XRCC4: variants seen among roughly 807,000 people sequenced by gnomAD.
XRCC4 encodes DNA repair protein XRCC4.
Under a neutral mutation model 39.1 loss-of-function variants are expected in XRCC4, and 28 were observed. The ratio of observed to expected loss-of-function variants is 0.72; its 90% CI spans 0.53 to 0.98. XRCC4 has a LOEUF of 0.98. XRCC4 is among the 50% of genes least tolerant of loss of function. The pLI is 0.00. For synonymous variants in XRCC4, 123 were observed against 126.4 expected (o/e 0.97, Z 0.18); for missense variants, 350 against 376.4 (o/e 0.93, Z 0.58).
At position 83,331,419 on chromosome 5, in the gene XRCC4, A is replaced by G. The variant is rs192347359; in HGVS notation, c.894-21712A>G. Among the ~76,000 whole-genome samples, 78 of 152,224 alleles carry G rather than the reference A, an allele frequency of 5.1e-4. No homozygotes were observed. The East Asian group carries it at 9.1e-3, about 18-fold the overall frequency. On this transcript the variant is annotated intron_variant, in intron 7 of 7. Coordinates refer to ENST00000396027, the MANE Select transcript of XRCC4 (RefSeq NM_003401.5). ...ATATGGTATTGGAGAGGAATTGATC[A>G]ACAGGAACTCTTACACACTGCTAAA...
chr5:83,122,950 A>G (rs1330039709), intron 3 of XRCC4, among the ~76,000 whole-genome samples: 1 of 152,152 alleles, frequency 6.6e-6, no homozygotes, highest in African/African-American at 2.4e-5. Flanking sequence ...TATGGCACTG[A>G]ATGTAACCGT....
At chr5:83,253,557 C>T (rs914531694) in intron 6 of XRCC4, among the ~76,000 whole-genome samples, 2 of 151,314 alleles carry the variant, frequency 1.3e-5, no homozygotes, top group African/African-American at 2.4e-5. Flanking sequence ...ATCTGTATGG[C>T]GGGGCAAGGG....
At chr5:83,371,524 A>C in the XRCC4 span, among the ~76,000 whole-genome samples, 1 of 152,180 alleles carries the variant, frequency 6.6e-6, no homozygotes, top group African/African-American at 2.4e-5. Flanking sequence ...AACAATCTAC[A>C]TGTCAGATGC....
chr5:83,310,671 G>A (rs1755675691), intron 7 of XRCC4: 2 of 407,542 alleles, frequency 4.9e-6, no homozygotes, highest in African/African-American at 2.1e-5. Flanking sequence ...ATCTGTGAAT[G>A]TTAGCTTTTA....
At chr5:83,337,725 G>T (rs1011748764) in intron 7 of XRCC4, among the ~76,000 whole-genome samples, 1 of 152,078 alleles carries the variant, frequency 6.6e-6, no homozygotes, top group African/African-American at 2.4e-5. Context: ...ATAACAAAAT[G>T]GTCTTTATTT....
Position 83,148,855 on chromosome 5 carries a change from TAAC to T in XRCC4, c.315+37655_315+37657del, listed in dbSNP as rs200633198. On this transcript the variant is annotated intron_variant, in intron 3 of 7. Coordinates refer to ENST00000396027, the MANE Select transcript of XRCC4 (RefSeq NM_003401.5). The stretch of plus-strand genomic sequence containing the variant: ...TACTGTTATAATGAAGATATAATAA[TAAC>T]AATGAAGAAATAAAAAATAGTAAAG... Among the ~76,000 whole-genome samples the T allele has an allele frequency of 8.4e-4, 127 of 151,930 alleles. 1 individual carries two copies. The highest frequency in any genetic ancestry group is 2.8e-3 in the African/African-American group (116 of 41,514).
chr5:83,303,923 A>G (rs1755386443), intron 7 of XRCC4, among the ~76,000 whole-genome samples: 1 of 152,196 alleles, frequency 6.6e-6, no homozygotes, highest in African/African-American at 2.4e-5. Flanking sequence ...ATGACTTTGC[A>G]CTCAACTACA....
chr5:83,176,750 T>G (rs1749977940), intron 3 of XRCC4, among the ~76,000 whole-genome samples: 1 of 151,954 alleles, frequency 6.6e-6, no homozygotes, highest in African/African-American at 2.4e-5. Context: ...GCCTTCTGAG[T>G]AGCTGGGACT....
chr5:83,111,135 G>A lies in XRCC4; in HGVS notation c.247G>A (p.Val83Ile), dbSNP rs1746425716. The A allele has an allele frequency of 6.2e-7, 1 of 1,607,976 alleles. No homozygotes were observed. The highest frequency in any genetic ancestry group is 2.3e-5 in the East Asian group (1 of 44,328). Residue 83 changes from valine (V) to isoleucine (I), a missense_variant, in exon 3 of 8, where the codon GTA (valine) becomes ATA (isoleucine). Transcript: ENST00000396027. ...ALLSGAGPAD[V>I]YTFNFSKESC... ...GTTGTCAGGAGCAGGACCAGCTGAT[G>A]TATACACGTTTAATTTTTCTAAAGA...
At chr5:83,220,880 G>T (rs1752056618) in intron 6 of XRCC4, among the ~76,000 whole-genome samples, 2 of 152,064 alleles carry the variant, frequency 1.3e-5, no homozygotes, top group African/African-American at 2.4e-5. Flanking sequence ...GTAAATTGTT[G>T]ATCCTTTCTG....
chr5:83,309,589 G>A (rs1411307177), intron 7 of XRCC4, among the ~76,000 whole-genome samples: 51 of 150,978 alleles, frequency 3.4e-4, no homozygotes, highest in African/African-American at 9.5e-4. Flanking sequence ...GTGAAAACCC[G>A]TCTCTACTAA....
chr5:83,100,944 C>G (rs1262263937), intron 1 of XRCC4, among the ~76,000 whole-genome samples: 1 of 151,982 alleles, frequency 6.6e-6, no homozygotes, highest in African/African-American at 2.4e-5. Flanking sequence ...TTAAGCACAT[C>G]TAGGCAAAGG....
In XRCC4 at chr5:83,258,593, GA is replaced by G; in HGVS notation, c.814del (p.Arg272GlyfsTer48). 1 of 1,610,790 alleles carries G rather than the reference GA, an allele frequency of 6.2e-7. No homozygotes were observed. Among genetic ancestry groups the G allele is most frequent in the Non-Finnish European group, 8.5e-7 (1 of 1,179,008 alleles). On this transcript the variant is annotated frameshift_variant, in exon 7 of 8. Transcript: ENST00000396027. LOFTEE classifies it high-confidence loss of function. ...SLDVTDIAPS[R>X]KRRQRMQRNL... Reference sequence around the variant, plus strand: ...GATGTCACTGATATTGCACCAAGTAGAAAAAGGAGACAGCGAATGCAAAGAA... The same window carrying G: ...GATGTCACTGATATTGCACCAAGTAGAAAAGGAGACAGCGAATGCAAAGAA...
In XRCC4 at chr5:83,353,156, T is replaced by C. The variant is rs1422041474; in HGVS notation, c.919T>C (p.Ser307Pro). ...GCCTGATTCTTCACTACCTGAGACG[T>C]CTAAAAAGGAGCACATCTCAGCTGA... The part of the protein sequence containing the change: ...EKPDSSLPET[S>P]KKEHISAENM... Residue 307 changes from serine (S) to proline (P), a missense_variant, in exon 8 of 8, where the codon TCT (serine) becomes CCT (proline). By Grantham distance (74) the Ser-to-Pro change is moderately conservative (BLOSUM62 -1). Coordinates refer to ENST00000396027, the MANE Select transcript of XRCC4 (RefSeq NM_003401.5). The C allele has an allele frequency of 6.2e-7, 1 of 1,611,356 alleles. No homozygotes were observed. Among genetic ancestry groups the C allele is most frequent in the Non-Finnish European group, 8.5e-7 (1 of 1,178,880 alleles).
chr5:83,218,073 T>TATATATATATAGATAG (rs1425769390), intron 6 of XRCC4, among the ~76,000 whole-genome samples: 2 of 150,444 alleles, frequency 1.3e-5, no homozygotes, highest in African/African-American at 4.9e-5. Flanking sequence ...TATATATATA[T>TATATATATATAGATAG]ATATATTTAT....
intron 7 of XRCC4, among the ~76,000 whole-genome samples, chr5:83,300,728 C>T (rs1755253795): frequency 6.6e-6 from 1 of 151,926 alleles, no homozygotes; most frequent in Non-Finnish European, 1.5e-5. Flanking sequence ...TATCCCTCCT[C>T]TTGCCCCCCA....
At chr5:83,135,193 C>T (rs181202269) in intron 3 of XRCC4, among the ~76,000 whole-genome samples, 1 of 152,274 alleles carries the variant, frequency 6.6e-6, no homozygotes, top group Non-Finnish European at 1.5e-5. Context: ...GATGCCCCAC[C>T]CTGCTTCGGC....
chr5:83,341,196 TA>T (rs34326210), intron 7 of XRCC4, among the ~76,000 whole-genome samples: 2,149 of 144,766 alleles, frequency 0.015, 27 homozygotes, highest in African/African-American at 0.038. Context: ...GTATAAGGTT[TA>T]AAAAAAAAAA....
chr5:83,313,572 G>GA (rs1249392125), intron 7 of XRCC4, among the ~76,000 whole-genome samples: 3 of 151,732 alleles, frequency 2.0e-5, no homozygotes, highest in African/African-American at 7.3e-5. Context: ...ATACTGCTCA[G>GA]AAAAAAAAGA....
Sources: gnomAD v4.1 joint callset for allele counts (sites outside exome capture counted in the v4.1 genomes callset) on GRCh38, gnomAD v4.1.1 for gene constraint, MANE v1.5 for transcripts, NCBI Gene and HGNC (gene_info 2026-07-23, HGNC 2026-07-21) for gene names.